Variants in AGBL4 observed in about 807,000 individuals in gnomAD.
AGBL4 encodes AGBL carboxypeptidase 4, also known as cytosolic carboxypeptidase 6.
Under a neutral mutation model 66.4 loss-of-function variants are expected in AGBL4, and 58 were observed. The observed-to-expected ratio is 0.87, with a 90% CI of 0.71 to 1.09. The LOEUF (loss-of-function observed/expected upper bound fraction) is 1.09. AGBL4 is among the 50% of genes least tolerant of loss of function. The pLI is 0.00. For synonymous variants in AGBL4, 234 were observed against 222.9 expected (o/e 1.05, Z -0.44); for missense variants, 579 against 631.0 (o/e 0.92, Z 0.88).
intron 3 of AGBL4, among the ~76,000 whole-genome samples, chr1:49,257,781 G>A (rs1652674316): frequency 6.6e-6 from 1 of 152,178 alleles, no homozygotes; most frequent in Non-Finnish European, 1.5e-5. Flanking sequence ...GGGAGCTGTA[G>A]ACCAGAGCTG....
chr1:48,980,978 G>A (rs999049425), intron 5 of AGBL4, among the ~76,000 whole-genome samples: 3 of 151,954 alleles, frequency 2.0e-5, no homozygotes, highest in Non-Finnish European at 4.4e-5. Flanking sequence ...TCTCAAGGCT[G>A]AGATTAAATC....
intron 3 of AGBL4, among the ~76,000 whole-genome samples, chr1:49,494,255 T>C (rs1363397921): frequency 6.6e-6 from 1 of 151,998 alleles, no homozygotes; most frequent in Non-Finnish European, 1.5e-5. Flanking sequence ...ATCATTAATA[T>C]GGTGAATATC....
chr1:48,671,751 A>C (rs564941450), intron 6 of AGBL4, among the ~76,000 whole-genome samples: 1 of 152,236 alleles, frequency 6.6e-6, no homozygotes, highest in Non-Finnish European at 1.5e-5. Flanking sequence ...GCAACAGGAA[A>C]GCCACAACTT....
At chr1:48,825,771 G>A (rs1255341772) in intron 6 of AGBL4, among the ~76,000 whole-genome samples, 1 of 152,188 alleles carries the variant, frequency 6.6e-6, no homozygotes, top group African/African-American at 2.4e-5. Context: ...GAGCATCTAA[G>A]AGATAAAAAT....
At chr1:49,924,098 G>C (rs1461740978) in intron 1 of AGBL4, among the ~76,000 whole-genome samples, 1 of 152,196 alleles carries the variant, frequency 6.6e-6, no homozygotes, top group Non-Finnish European at 1.5e-5. Flanking sequence ...ACTGGATAAA[G>C]AAAATGTGGT....
At chr1:49,341,214 G>A (rs1645533295) in intron 3 of AGBL4, among the ~76,000 whole-genome samples, 1 of 152,066 alleles carries the variant, frequency 6.6e-6, no homozygotes, top group South Asian at 2.1e-4. Flanking sequence ...ACCCTCTCTT[G>A]GGGTCTGGAT....
chr1:48,679,590 TC>T (rs144189024), intron 6 of AGBL4, among the ~76,000 whole-genome samples: 2,345 of 152,214 alleles, frequency 0.015, 67 homozygotes, highest in African/African-American at 0.054. Flanking sequence ...CCCTGTGGGG[TC>T]ATTCTTGTCA....
intron 2 of AGBL4, among the ~76,000 whole-genome samples, chr1:49,784,802 A>G (rs1235048653): frequency 6.6e-6 from 1 of 152,054 alleles, no homozygotes; most frequent in African/African-American, 2.4e-5. Flanking sequence ...CCAATAAAAA[A>G]TAAAAAATAT....
At chr1:49,476,376 C>T (rs1160589802) in intron 3 of AGBL4, among the ~76,000 whole-genome samples, 3 of 151,938 alleles carry the variant, frequency 2.0e-5, no homozygotes, top group Non-Finnish European at 2.9e-5. Context: ...CAACGTACAT[C>T]TTGAGGTTGT....
intron 1 of AGBL4, among the ~76,000 whole-genome samples, chr1:49,918,270 A>AC (rs1651791763): frequency 7.0e-6 from 1 of 141,860 alleles, no homozygotes; most frequent in Non-Finnish European, 1.5e-5. Context: ...CACAAAAAAA[A>AC]CCTCCAAAAA....
intron 9 of AGBL4, among the ~76,000 whole-genome samples, chr1:48,612,046 C>T (rs1645246727): frequency 6.6e-6 from 1 of 152,254 alleles, no homozygotes; most frequent in Non-Finnish European, 1.5e-5. Flanking sequence ...GCATATAATG[C>T]AAACCTGCAC....
chr1:48,925,871 G>GT (rs1236953123), intron 5 of AGBL4, among the ~76,000 whole-genome samples: 4 of 152,120 alleles, frequency 2.6e-5, no homozygotes, highest in Non-Finnish European at 4.4e-5. Context: ...CTGTATAGAA[G>GT]TTTTTTTCTG....
chr1:48,567,104 T>C (rs1471399327), intron 11 of AGBL4, among the ~76,000 whole-genome samples: 1 of 152,196 alleles, frequency 6.6e-6, no homozygotes, highest in East Asian at 1.9e-4. Context: ...CTTCATCAGG[T>C]CATTTTACCT....
intron 6 of AGBL4, among the ~76,000 whole-genome samples, chr1:48,828,895 T>C (rs1446931830): frequency 6.6e-6 from 1 of 152,168 alleles, no homozygotes; most frequent in African/African-American, 2.4e-5. Context: ...CAAACCTTGG[T>C]ATTTTCACTA....
At chr1:49,903,556 A>C (rs1341812834) in intron 1 of AGBL4, among the ~76,000 whole-genome samples, 1 of 152,154 alleles carries the variant, frequency 6.6e-6, no homozygotes, top group Non-Finnish European at 1.5e-5. Flanking sequence ...AAAGTTACCT[A>C]AGCTCTTTTA....
intron 1 of AGBL4, among the ~76,000 whole-genome samples, chr1:49,917,829 T>A (rs1427831990): frequency 6.6e-6 from 1 of 152,194 alleles, no homozygotes; most frequent in Non-Finnish European, 1.5e-5. Flanking sequence ...ACCACATAGT[T>A]GGAAGTAAAG....
intron 1 of AGBL4, among the ~76,000 whole-genome samples, chr1:49,872,508 A>T (rs1440258718): frequency 5.9e-5 from 9 of 152,120 alleles, no homozygotes; most frequent in Non-Finnish European, 5.9e-5. Context: ...TGGCTAAGTA[A>T]AAAATGTCAC....
chr1:49,076,900 A>G (rs183752207), intron 4 of AGBL4, among the ~76,000 whole-genome samples: 4 of 152,216 alleles, frequency 2.6e-5, no homozygotes, highest in South Asian at 2.1e-4. Context: ...AACAAGCACC[A>G]GTCATTTTAT....
chr1:48,657,598 T>G (rs2148448741), intron 7 of AGBL4, among the ~76,000 whole-genome samples: 1 of 152,248 alleles, frequency 6.6e-6, no homozygotes, highest in South Asian at 2.1e-4. Flanking sequence ...AACATGATAG[T>G]GACCTGCAGG....
Sources: gnomAD v4.1 joint callset for allele counts (sites outside exome capture counted in the v4.1 genomes callset) on GRCh38, gnomAD v4.1.1 for gene constraint, MANE v1.5 for transcripts, NCBI Gene and HGNC (gene_info 2026-07-23, HGNC 2026-07-21) for gene names.